BTD: variants seen among roughly 807,000 people sequenced by gnomAD.
BTD encodes biocytinase.
A neutral mutation model predicts 17.7 loss-of-function variants in BTD; 13 were observed. The observed-to-expected ratio is 0.74, with a 90% CI of 0.48 to 1.17. The LOEUF (loss-of-function observed/expected upper bound fraction) is 1.17, where lower values mean the gene tolerates loss of function less well. Ranked by LOEUF, BTD falls within the 50% of genes most tolerant of loss-of-function variation. The pLI is 0.00. For missense variants in BTD, 674 were observed against 650.4 expected (o/e 1.04, Z -0.39); for synonymous variants, 240 against 245.2 (o/e 0.98, Z 0.20).
chr3:15,616,100 T>G (rs2064781195), intron 1 of BTD, among the ~76,000 whole-genome samples: 1 of 152,204 alleles, frequency 6.6e-6, no homozygotes, highest in South Asian at 2.1e-4. Flanking sequence ...TGAAAAAAAC[T>G]GCTATAAACA....
chr3:15,708,049 G>A (rs371014076), intron 3 of BTD: 19 of 1,605,656 alleles, frequency 1.2e-5, no homozygotes, highest in South Asian at 6.7e-5. Context: ...TGGCAGCAGC[G>A]TAGTGCAGTG....
chr3:15,706,569 T>A (rs1172405801), intron 3 of BTD, among the ~76,000 whole-genome samples: 1 of 152,198 alleles, frequency 6.6e-6, no homozygotes, highest in Non-Finnish European at 1.5e-5. Flanking sequence ...TGTGTCTTTA[T>A]AGCAGCATGA....
rs879327772 is a variant in BTD at position 15,649,557 on chromosome 3, C to T, written c.*4069C>T. Among the ~76,000 whole-genome samples, 10 of 152,194 alleles carry T rather than the reference C, an allele frequency of 6.6e-5. No homozygotes were observed. The highest frequency in any genetic ancestry group is 2.6e-4 in the Admixed American group (4 of 15,278). ...TTCACATTCTGCACAGCCTCAGCTC[C>T]GCCTGACCTCTGAGCTCACATGATG... On this transcript the variant is annotated 3_prime_UTR_variant, in exon 4 of 4. Transcript: ENST00000643237.
chr3:15,674,886 G>C (rs1367168254), intron 3 of BTD, among the ~76,000 whole-genome samples: 3 of 152,174 alleles, frequency 2.0e-5, no homozygotes, highest in African/African-American at 7.2e-5. Context: ...AGTTAACACA[G>C]TAGAAGTCAT....
chr3:15,710,374 A>C (rs896064373), exon 4 of BTD, among the ~76,000 whole-genome samples: 31 of 152,180 alleles, frequency 2.0e-4, no homozygotes. Flanking sequence ...TCAGACACTC[A>C]AGTCTGTTGT....
chr3:15,679,517 C>T, intron 3 of BTD: 1 of 1,613,694 alleles, frequency 6.2e-7, no homozygotes, highest in Non-Finnish European at 8.5e-7. Flanking sequence ...CTTCCGTTTT[C>T]TGGAAAACTT....
rs781337701 is a variant in BTD at position 15,686,250 on chromosome 3, C to T, written c.400-23810C>T. The T allele has an allele frequency of 3.8e-6, 6 of 1,593,958 alleles. No homozygotes were observed. The Admixed American group carries it at 1.1e-4, about 28-fold the overall frequency. On this transcript the variant is annotated intron_variant, in intron 3 of 3. Transcript: ENST00000672141. ...CCATTTCCATCTTGAATATCCACTGCATTCTGTGGTTCTGCATTTCCTATT... is the reference window on the plus strand; with the variant it reads ...CCATTTCCATCTTGAATATCCACTGTATTCTGTGGTTCTGCATTTCCTATT...
chr3:15,620,974 C>T (rs2064936868), intron 1 of BTD, among the ~76,000 whole-genome samples: 1 of 152,262 alleles, frequency 6.6e-6, no homozygotes. Context: ...GCCTGAGAAC[C>T]CAGGGGGCTG....
intron 1 of BTD, among the ~76,000 whole-genome samples, chr3:15,627,409 G>A (rs1229570780): frequency 6.6e-6 from 1 of 151,914 alleles, no homozygotes; most frequent in Non-Finnish European, 1.5e-5. Flanking sequence ...TTTTTTTTTG[G>A]TAGAGACAGT....
intron 3 of BTD, among the ~76,000 whole-genome samples, chr3:15,704,907 T>C (rs1420750061): frequency 2.0e-5 from 3 of 152,170 alleles, no homozygotes; most frequent in African/African-American, 7.2e-5. Context: ...TTAATAAAGA[T>C]AGGAAACAGA....
At chr3:15,640,918 A>G (rs1380574415) in intron 2 of BTD, among the ~76,000 whole-genome samples, 1 of 152,230 alleles carries the variant, frequency 6.6e-6, no homozygotes, top group Non-Finnish European at 1.5e-5. Context: ...AAAATTTAAA[A>G]GTTTGCAATG....
rs958482921 is a variant in BTD, at chr3:15,692,929, A to G, written c.400-17131A>G. Among the ~76,000 whole-genome samples the G allele has an allele frequency of 4.6e-5, 7 of 152,196 alleles. 1 individual carries two copies. The highest frequency in any genetic ancestry group is 3.9e-4 in the Admixed American group (6 of 15,276). ...ATACATAACAATAATTATTCAGCTT[A>G]AAAATAAGGAAATTCAGCCACATGC... On this transcript the variant is annotated intron_variant, in intron 3 of 3. Coordinates refer to the BTD transcript ENST00000672141.
chr3:15,602,523 GAC>G (rs2064297621), intron 1 of BTD, among the ~76,000 whole-genome samples: 3 of 152,298 alleles, frequency 2.0e-5, no homozygotes, highest in South Asian at 4.1e-4. Context: ...GGAGTCATTA[GAC>G]CCTCTGCTCA....
chr3:15,703,650 C>T (rs934729768), intron 3 of BTD, among the ~76,000 whole-genome samples: 2 of 152,146 alleles, frequency 1.3e-5, no homozygotes, highest in Non-Finnish European at 2.9e-5. Flanking sequence ...GTTTATAAGC[C>T]ACCCAGTTTT....
intron 1 of BTD, among the ~76,000 whole-genome samples, chr3:15,610,512 G>C (rs1317461259): frequency 6.6e-6 from 1 of 152,182 alleles, no homozygotes; most frequent in Middle Eastern, 3.2e-3. Context: ...ACATCCAGTT[G>C]TCCAAGCACC....
chr3:15,687,939 A>G (rs183197736), intron 3 of BTD, among the ~76,000 whole-genome samples: 126 of 152,200 alleles, frequency 8.3e-4, no homozygotes, highest in African/African-American at 2.9e-3. Context: ...AACCTCCAGG[A>G]AAAAAAACCC....
At chr3:15,676,688 A>T in intron 3 of BTD, 1 of 264,706 alleles carries the variant, frequency 3.8e-6, no homozygotes, top group Non-Finnish European at 7.3e-6. Flanking sequence ...ATTTCCACAG[A>T]ATACACAAAA....
chr3:15,688,958 C>A (rs1559339525), intron 3 of BTD, among the ~76,000 whole-genome samples: 1 of 152,174 alleles, frequency 6.6e-6, no homozygotes, highest in East Asian at 1.9e-4. Flanking sequence ...TCCAAAATAA[C>A]TTCTACCAGA....
At chr3:15,602,017 C>G (rs138666555) in intron 1 of BTD, 123 bp downstream of exon 1, 1 of 1,510,324 alleles carries the variant, frequency 6.6e-7, no homozygotes, top group Non-Finnish European at 8.9e-7. Flanking sequence ...GCTGGGAAGC[C>G]CGGCGCGCGT....
Sources: gnomAD v4.1 joint callset for allele counts (sites outside exome capture counted in the v4.1 genomes callset) on GRCh38, gnomAD v4.1.1 for gene constraint, MANE v1.5 for transcripts, NCBI Gene and HGNC (gene_info 2026-07-23, HGNC 2026-07-21) for gene names.